C9orf85: variants seen among roughly 807,000 people sequenced by gnomAD.
C9orf85 encodes uncharacterized protein C9orf85.
C9orf85 carries 16 observed loss-of-function variants against 14.9 expected under a neutral mutation model. The observed-to-expected ratio is 1.08, with a 90% CI of 0.73 to 1.63. C9orf85 has a LOEUF of 1.63. Ranked by LOEUF, C9orf85 falls within the 40% of genes most tolerant of loss-of-function variation. The pLI, the probability that C9orf85 is intolerant of heterozygous loss-of-function variation, is 0.00. For missense variants in C9orf85, 172 were observed against 186.1 expected (o/e 0.92, Z 0.44); for synonymous variants, 45 against 56.8 (o/e 0.79, Z 0.93).
intron 1 of C9orf85, among the ~76,000 whole-genome samples, chr9:71,919,304 G>A (rs189533689): frequency 7.2e-4 from 109 of 152,290 alleles, no homozygotes; most frequent in Non-Finnish European, 1.3e-3. Context: ...ATTTTAGTGT[G>A]AGTGGTGAAG....
chr9:71,977,326 A>G (rs1015344775), downstream of C9orf85, among the ~76,000 whole-genome samples: 2 of 152,284 alleles, frequency 1.3e-5, no homozygotes, highest in Non-Finnish European at 2.9e-5. Context: ...CTGATACCTC[A>G]GCAAGTTTTA....
intron 1 of C9orf85, among the ~76,000 whole-genome samples, chr9:71,931,743 G>A (rs918030704): frequency 6.6e-6 from 1 of 152,204 alleles, no homozygotes; most frequent in African/African-American, 2.4e-5. Context: ...TTTTTAAGCA[G>A]AAGGTACTCT....
In C9orf85 at chr9:71,912,650, G is replaced by T. The variant is rs1254031240; in HGVS notation, c.102+814G>T. 2.0e-5 allele frequency among the ~76,000 whole-genome samples: 3 copies of T among 151,880 alleles called. No homozygotes were observed. The South Asian group carries it at 6.2e-4, about 32-fold the overall frequency. On this transcript the variant is annotated intron_variant, in intron 1 of 3. Coordinates refer to ENST00000334731, the MANE Select transcript of C9orf85 (RefSeq NM_182505.5). ...TAATCTCAGCACTTTGGGAGGCCGA[G>T]GTGGTGGGCGGATCACCTGAGGTCA...
chr9:71,928,984 A>G (rs1325692181), intron 1 of C9orf85, among the ~76,000 whole-genome samples: 1 of 152,192 alleles, frequency 6.6e-6, no homozygotes, highest in Non-Finnish European at 1.5e-5. Flanking sequence ...GAATCATGGT[A>G]CAATCTAATT....
chr9:71,930,641 C>CAA (rs770465989), intron 1 of C9orf85, among the ~76,000 whole-genome samples: 2 of 123,080 alleles, frequency 1.6e-5, no homozygotes, highest in Non-Finnish European at 1.8e-5. Context: ...CTGTCTCTAC[C>CAA]AAAAAAAAAA....
chr9:71,933,741 G>T (rs751324213), intron 1 of C9orf85, among the ~76,000 whole-genome samples: 1 of 152,198 alleles, frequency 6.6e-6, no homozygotes, highest in Non-Finnish European at 1.5e-5. Context: ...CCACTAGATG[G>T]ATCTGCTGGC....
chr9:71,970,981 C>A (rs2181812), intron 2 of C9orf85, among the ~76,000 whole-genome samples: 1 of 151,882 alleles, frequency 6.6e-6, no homozygotes, highest in Non-Finnish European at 1.5e-5. Flanking sequence ...TCTCAAACTC[C>A]TGATCTCAGG....
intron 1 of C9orf85, among the ~76,000 whole-genome samples, chr9:71,943,188 A>C (rs1412394564): frequency 3.3e-5 from 5 of 152,160 alleles, no homozygotes. Context: ...AGTTTATGGA[A>C]ATAGATTTTT....
chr9:71,919,557 T>C (rs907793213), intron 1 of C9orf85, among the ~76,000 whole-genome samples: 1 of 152,192 alleles, frequency 6.6e-6, no homozygotes, highest in African/African-American at 2.4e-5. Flanking sequence ...ATGTATTCCC[T>C]CCTCCATTGA....
intron 1 of C9orf85, among the ~76,000 whole-genome samples, chr9:71,914,808 C>T (rs190041152): frequency 6.6e-6 from 1 of 152,300 alleles, no homozygotes; most frequent in East Asian, 1.9e-4. Context: ...GGATTTGTAA[C>T]CTCCTCTTCC....
At chr9:71,927,750 G>A (rs7854936) in intron 1 of C9orf85, among the ~76,000 whole-genome samples, 41 of 152,206 alleles carry the variant, frequency 2.7e-4, no homozygotes, top group African/African-American at 9.6e-4. Context: ...ATAAGTTCTT[G>A]AAGTAGATTT....
At position 71,957,316 on chromosome 9, in the gene C9orf85, A is replaced by T. The variant is rs1238032574; in HGVS notation, c.209+10204A>T. Among the ~76,000 whole-genome samples the T allele has an allele frequency of 3.3e-5, 5 of 152,178 alleles. No homozygotes were observed. The East Asian group carries it at 5.8e-4, about 18-fold the overall frequency. On this transcript the variant is annotated intron_variant, in intron 2 of 3. Transcript: ENST00000334731. ...TGTATTCATTACATTTTAAAGATTTATTGGCTAAGACAGAAGAATTGGTAT... is the reference window on the plus strand; with the variant it reads ...TGTATTCATTACATTTTAAAGATTTTTTGGCTAAGACAGAAGAATTGGTAT...
intron 1 of C9orf85, among the ~76,000 whole-genome samples, chr9:71,923,712 C>T (rs2132259562): frequency 6.6e-6 from 1 of 152,232 alleles, no homozygotes; most frequent in East Asian, 1.9e-4. Context: ...TTTATTAAAC[C>T]ACCACCACAT....
intron 1 of C9orf85, among the ~76,000 whole-genome samples, chr9:71,923,663 A>T (rs1214675328): frequency 6.6e-6 from 1 of 152,076 alleles, no homozygotes; most frequent in Non-Finnish European, 1.5e-5. Flanking sequence ...CCTCTGTGGT[A>T]CTCAGCTGAC....
rs926984145 is a variant in C9orf85, at chr9:71,926,661, G to A, written c.102+14825G>A. Among the ~76,000 whole-genome samples, 7 of 148,756 alleles carry A rather than the reference G, an allele frequency of 4.7e-5. No homozygotes were observed. The South Asian group carries it at 8.6e-4, about 18-fold the overall frequency. On this transcript the variant is annotated intron_variant, in intron 1 of 3. Transcript: ENST00000334731. ...AAAAAAAAAAAAAAAAAAGAATCCT[G>A]TGACATTGCTTAAAAACTACCACTG...
chr9:71,941,251 G>A (rs573221078), intron 1 of C9orf85, among the ~76,000 whole-genome samples: 4 of 152,296 alleles, frequency 2.6e-5, no homozygotes, highest in Admixed American at 2.0e-4. Flanking sequence ...CCAAAACCAT[G>A]AGGGAAAGTG....
At chr9:71,922,255 T>C (rs570227629) in intron 1 of C9orf85, among the ~76,000 whole-genome samples, 1 of 152,160 alleles carries the variant, frequency 6.6e-6, no homozygotes, top group Non-Finnish European at 1.5e-5. Context: ...TGTTTTAATG[T>C]CCTAGATTCC....
At chr9:71,943,653 C>G (rs1277942149) in intron 1 of C9orf85, among the ~76,000 whole-genome samples, 1 of 151,940 alleles carries the variant, frequency 6.6e-6, no homozygotes, top group Non-Finnish European at 1.5e-5. Flanking sequence ...AAGGATTCTC[C>G]TGCCTCAGCC....
rs1217176169 is a variant in C9orf85 at position 71,973,133 on chromosome 9, A to T, written c.*291A>T. On this transcript the variant is annotated 3_prime_UTR_variant, in exon 4 of 4. Coordinates refer to ENST00000334731, the MANE Select transcript of C9orf85 (RefSeq NM_182505.5). Reference sequence around the variant, plus strand: ...ACACTCCAGCCTGGGTGACAGAGTGAGACTCTGTCTCAAAAAAAATAAAAT... The same window carrying T: ...ACACTCCAGCCTGGGTGACAGAGTGTGACTCTGTCTCAAAAAAAATAAAAT... The T allele has an allele frequency of 6.0e-6, 1 of 167,030 alleles. No individual in the cohort carries two copies. Among genetic ancestry groups the T allele is most frequent in the Non-Finnish European group, 1.3e-5 (1 of 77,504 alleles). 10.3% of individuals were successfully genotyped at this position (167,030 alleles called of 1,614,324 possible).
Sources: gnomAD v4.1 joint callset for allele counts (sites outside exome capture counted in the v4.1 genomes callset) on GRCh38, gnomAD v4.1.1 for gene constraint, MANE v1.5 for transcripts, NCBI Gene and HGNC (gene_info 2026-07-23, HGNC 2026-07-21) for gene names.